CACNA1C: variants seen among roughly 807,000 people sequenced by gnomAD.
The protein encoded by CACNA1C is calcium voltage-gated channel subunit alpha1 C.
CACNA1C carries 30 observed loss-of-function variants against 229.0 expected under a neutral mutation model. The observed-to-expected ratio is 0.13, with a 90% CI of 0.10 to 0.18. The LOEUF (loss-of-function observed/expected upper bound fraction) is 0.18, where lower values mean the gene tolerates loss of function less well. CACNA1C is among the 10% of genes least tolerant of loss of function. CACNA1C has a pLI of 1.00. For synonymous variants in CACNA1C, 1,114 were observed against 1,132.5 expected (o/e 0.98, Z 0.33); for missense variants, 1,658 against 2,845.0 (o/e 0.58, Z 9.49).
chr12:2,258,981 G>A (rs2079032338), intron 3 of CACNA1C, among the ~76,000 whole-genome samples: 1 of 152,176 alleles, frequency 6.6e-6, no homozygotes, highest in Admixed American at 6.5e-5. Flanking sequence ...AAATAGATGA[G>A]GGAGATGGAA....
chr12:2,186,479 G>T (rs2097013989), intron 3 of CACNA1C, among the ~76,000 whole-genome samples: 1 of 152,204 alleles, frequency 6.6e-6, no homozygotes, highest in Non-Finnish European at 1.5e-5. Flanking sequence ...GTACCCAAGA[G>T]AACTTGCCTT....
Position 2,215,875 on chromosome 12 carries a change from G to A in CACNA1C, c.477+95445G>A, listed in dbSNP as rs1271644145. On this transcript the variant is annotated intron_variant, in intron 3 of 46. Coordinates refer to ENST00000399655, the MANE Select transcript of CACNA1C (RefSeq NM_000719.7). This position sits in a 1 kb window ranked among gnomAD's most constrained non-coding sequence, Gnocchi z 5.0. ...TCTGTGTCCTAGAACACGCCCTGCT[G>A]CCACCAGTGTGACATCAGCCGTGGT... is the stretch of plus-strand genomic sequence containing the variant. Among the ~76,000 whole-genome samples, 1 of 152,222 alleles carries A rather than the reference G, an allele frequency of 6.6e-6. No homozygotes were observed. Among genetic ancestry groups the A allele is most frequent in the East Asian group, 1.9e-4 (1 of 5,182 alleles).
intron 3 of CACNA1C, among the ~76,000 whole-genome samples, chr12:2,300,425 AG>A (rs1157522984): frequency 6.6e-6 from 1 of 152,168 alleles, no homozygotes; most frequent in African/African-American, 2.4e-5. Flanking sequence ...GTTTGAGACC[AG>A]CCTGGGCAAC....
At chr12:2,415,081 T>C (rs12425032) in intron 3 of CACNA1C, among the ~76,000 whole-genome samples, 21,950 of 152,222 alleles carry the variant, frequency 0.14, 2,042 homozygotes, top group African/African-American at 0.26. Flanking sequence ...GATACCTCTG[T>C]GGCATGCGAG....
At position 2,612,046 on chromosome 12, in the gene CACNA1C, G is replaced by C. The variant is rs771921319; in HGVS notation, c.3828+33G>C. The C allele has an allele frequency of 3.1e-6, 4 of 1,298,372 alleles. No individual in the cohort carries two copies. In the South Asian group the frequency reaches 3.6e-5, roughly 12 times the overall value. The allele number at this position is 1,298,372 out of a possible 1,614,324, so 80.4% of individuals were successfully genotyped here. A position where few individuals can be genotyped will look rare whatever the true frequency, so the allele number is the denominator to read the frequency against. ...TCTGAGAAAGACCTTTGATTCCCAGGCATCAGGGGTGGACAGAACGGGGAG... is the reference window on the plus strand; with the variant it reads ...TCTGAGAAAGACCTTTGATTCCCAGCCATCAGGGGTGGACAGAACGGGGAG... On this transcript the variant is annotated intron_variant, in intron 29 of 46. Transcript: ENST00000399655.
intron 5 of CACNA1C, among the ~76,000 whole-genome samples, chr12:2,468,110 G>A (rs184872488): frequency 9.3e-4 from 141 of 152,358 alleles, no homozygotes; most frequent in African/African-American, 3.3e-3. Context: ...ACAGGTTCCC[G>A]CCTCTGCTAT....
chr12:2,297,859 C>CA lies in CACNA1C; in HGVS notation c.478-151108dup, dbSNP rs535726415. Among the ~76,000 whole-genome samples the CA allele has an allele frequency of 1.5e-3, 217 of 149,636 alleles. 2 individuals carry two copies. In the South Asian group the frequency reaches 0.035, roughly 24 times the overall value. On this transcript the variant is annotated intron_variant, in intron 3 of 46. Transcript: ENST00000399655. ...AGCTCTCCAACCTTTACCAAAGAAA[C>CA]AAAAAAAAACCTAAAACCACACACA...
chr12:2,612,040 TC>T, intron 29 of CACNA1C, 27 bp downstream of exon 29: 1 of 1,342,378 alleles, frequency 7.4e-7, no homozygotes, highest in Non-Finnish European at 1.1e-6. Context: ...GACCTTTGAT[TC>T]CCAGGCATCA....
chr12:2,081,952 CT>C (rs1489424011), intron 1 of CACNA1C, among the ~76,000 whole-genome samples: 1 of 151,950 alleles, frequency 6.6e-6, no homozygotes, highest in African/African-American at 2.4e-5. Context: ...GTGCCAAGGT[CT>C]TTTATGATGT....
chr12:1,990,606 T>C (rs1037257905), intron 1 of CACNA1C, among the ~76,000 whole-genome samples: 3 of 152,218 alleles, frequency 2.0e-5, no homozygotes, highest in African/African-American at 2.4e-5. Flanking sequence ...TCTACCTTTG[T>C]CTATTTGAAA....
At position 1,994,109 on chromosome 12, in the gene CACNA1C, G is replaced by A. The variant is rs144843552; in HGVS notation, c.139+22908G>A. ...CCTTGAATGCCTGCTCTGCCAGGCA[G>A]AAAGAATCCAAATTATACTGAGTAT... On this transcript the variant is annotated intron_variant, in intron 1 of 46. Coordinates refer to the CACNA1C transcript ENST00000682462. Among the ~76,000 whole-genome samples the A allele has an allele frequency of 3.6e-3, 542 of 152,318 alleles. 2 individuals are homozygous for A. Among genetic ancestry groups the A allele is most frequent in the African/African-American group, 0.012 (485 of 41,564 alleles).
At chr12:2,430,171 C>A (rs1389341609) in intron 3 of CACNA1C, among the ~76,000 whole-genome samples, 1 of 152,098 alleles carries the variant, frequency 6.6e-6, no homozygotes, top group Non-Finnish European at 1.5e-5. Context: ...ATACATGAGG[C>A]CTTCTGCCCT....
In CACNA1C at chr12:2,504,836, T is replaced by C. The variant is rs1258757363; in HGVS notation, c.1114-6T>C. Reference sequence around the variant, plus strand: ...TGCCTCACTAACTATCATTCCGTTCTTCCAGGTCAATGATGCCGTAGGAAG... The same window carrying C: ...TGCCTCACTAACTATCATTCCGTTCCTCCAGGTCAATGATGCCGTAGGAAG... On this transcript the variant is annotated splice_region_variant and splice_polypyrimidine_tract_variant and intron_variant, in intron 7 of 46. Coordinates refer to ENST00000399655, the MANE Select transcript of CACNA1C (RefSeq NM_000719.7). The surrounding 1 kb of genome is among the most constrained non-coding windows in gnomAD (Gnocchi z 6.8). 1.3e-6 allele frequency: 2 copies of C among 1,514,602 alleles called. No individual in the cohort carries two copies. The highest frequency in any genetic ancestry group is 2.3e-5 in the South Asian group (2 of 88,698). The allele number at this position is 1,514,602 out of a possible 1,614,324, so 93.8% of individuals were successfully genotyped here.
intron 1 of CACNA1C, among the ~76,000 whole-genome samples, chr12:2,082,039 C>T (rs1047485332): frequency 6.6e-6 from 1 of 151,894 alleles, no homozygotes; most frequent in Non-Finnish European, 1.5e-5. Context: ...ACAGGGGGGA[C>T]AGGGGGGATA....
intron 1 of CACNA1C, among the ~76,000 whole-genome samples, chr12:2,110,057 A>G: frequency 6.6e-6 from 1 of 152,166 alleles, no homozygotes; most frequent in East Asian, 1.9e-4. Context: ...TTAAAGAAAA[A>G]AAAATTGTTT....
Position 2,668,935 on chromosome 12 carries a change from C to T in CACNA1C, c.4626C>T (p.Arg1542=). The change falls in exon 38 of 47, where the codon CGC becomes CGT. Residue 1542 remains arginine, a splice_region_variant and synonymous_variant. Transcript: ENST00000399655. ...KLCPHRVACK[R]LVSMNMPLNS... is the part of the protein sequence containing the mutation. ...GCTTTGCTTCTCTTCGCCTGCAGCG[C>T]CTGGTCTCCATGAACATGCCTCTGA... 6.2e-7 allele frequency: 1 copy of T among 1,612,744 alleles called. No homozygotes were observed. The highest frequency in any genetic ancestry group is 8.5e-7 in the Non-Finnish European group (1 of 1,178,734).
At chr12:2,503,183 C>A (rs56073310) in intron 7 of CACNA1C, among the ~76,000 whole-genome samples, 3 of 152,192 alleles carry the variant, frequency 2.0e-5, no homozygotes, top group Non-Finnish European at 2.9e-5. Context: ...GTTGCTGGGC[C>A]TTCCCCACAG....
At chr12:2,593,948 T>A (rs2066787418) in intron 19 of CACNA1C, among the ~76,000 whole-genome samples, 2 of 152,244 alleles carry the variant, frequency 1.3e-5, no homozygotes, top group African/African-American at 4.8e-5. Flanking sequence ...TACTTACCTA[T>A]AACTGTTTCA....
intron 3 of CACNA1C, among the ~76,000 whole-genome samples, chr12:2,404,811 T>G (rs1427864167): frequency 6.6e-6 from 1 of 152,046 alleles, no homozygotes; most frequent in African/African-American, 2.4e-5. Flanking sequence ...ATTTTTTTTG[T>G]GGCTTTTCTT....
Sources: gnomAD v4.1 joint callset for allele counts (sites outside exome capture counted in the v4.1 genomes callset) on GRCh38, gnomAD v4.1.1 for gene constraint, Gnocchi (gnomAD v3.1) non-coding constraint, MANE v1.5 for transcripts, NCBI Gene and HGNC (gene_info 2026-07-23, HGNC 2026-07-21) for gene names.